NOC3L: variants seen among roughly 807,000 people sequenced by gnomAD.
NOC3L encodes nucleolar complex protein 3 homolog.
A neutral mutation model predicts 102.5 loss-of-function variants in NOC3L; 85 were observed. The observed-to-expected ratio is 0.83, with a 90% CI of 0.70 to 0.99. NOC3L has a LOEUF of 0.99. NOC3L is among the 50% of genes least tolerant of loss of function. NOC3L has a pLI of 0.00. For missense variants in NOC3L, 878 were observed against 914.9 expected (o/e 0.96, Z 0.52); for synonymous variants, 303 against 309.4 (o/e 0.98, Z 0.22).
downstream of NOC3L, chr10:94,329,636 A>G (rs7074125): frequency 0.31 from 46,779 of 152,008 alleles, 7,514 homozygotes; most frequent in Middle Eastern, 0.47. Context: ...AAATTAGCTG[A>G]GCGTGGTGGC....
Position 94,350,164 on chromosome 10 carries a change from G to A in NOC3L, c.1077C>T (p.His359=). ...LLVALPHFNF[H]NNIIVLIVPL... ...GGACAATCAATACGATGATGTTGTTGTGAAAGTTAAAATGAGGTAGTGCCA... is the reference window on the plus strand; with the variant it reads ...GGACAATCAATACGATGATGTTGTTATGAAAGTTAAAATGAGGTAGTGCCA... The change falls in exon 9 of 21, where the codon CAC becomes CAT. Residue 359 remains histidine, a synonymous_variant. Coordinates refer to ENST00000371361, the MANE Select transcript of NOC3L (RefSeq NM_022451.11). The A allele has an allele frequency of 1.9e-6, 3 of 1,614,136 alleles. No homozygotes were observed. Among genetic ancestry groups the A allele is most frequent in the Non-Finnish European group, 2.5e-6 (3 of 1,180,004 alleles).
chr10:94,324,180 C>T, the NOC3L span, among the ~76,000 whole-genome samples: 53 of 152,206 alleles, frequency 3.5e-4, no homozygotes, highest in Admixed American at 2.0e-4. Context: ...TGGGAAATTA[C>T]ATTACAAGCT....
In NOC3L at chr10:94,340,976, C is replaced by G. The variant is rs1454243615; in HGVS notation, c.1645-480G>C. Among the ~76,000 whole-genome samples, 141 of 133,314 alleles carry G rather than the reference C, an allele frequency of 1.1e-3. 1 individual carries two copies. Among genetic ancestry groups the G allele is most frequent in the South Asian group, 2.4e-3 (10 of 4,110 alleles). 87.5% of individuals were successfully genotyped at this position (133,314 alleles called of 152,430 possible). ...AGCCTGGGTGACAGAGCAAGACTCCCTCTCAAAAAAAAAAAAAAAAAAAAT... is the reference window on the plus strand; with the variant it reads ...AGCCTGGGTGACAGAGCAAGACTCCGTCTCAAAAAAAAAAAAAAAAAAAAT... On this transcript the variant is annotated intron_variant, in intron 14 of 20. Transcript: ENST00000371361.
chr10:94,324,200 C>T, the NOC3L span: 1 of 747,014 alleles, frequency 1.3e-6, no homozygotes, highest in Non-Finnish European at 2.4e-6. Flanking sequence ...TACAACTATA[C>T]AACTGCAAAA....
intron 8 of NOC3L, among the ~76,000 whole-genome samples, chr10:94,351,505 C>T (rs1437239278): frequency 1.3e-5 from 2 of 152,030 alleles, no homozygotes; most frequent in East Asian, 3.8e-4. Context: ...ATGCAAATAT[C>T]CATTTCTAGT....
In NOC3L at chr10:94,339,772, A is replaced by C. The variant is rs749714813; in HGVS notation, c.1929T>G (p.Ile643Met). 4 of 1,614,094 alleles carry C rather than the reference A, an allele frequency of 2.5e-6. No homozygotes were observed. Among genetic ancestry groups the C allele is most frequent in the Non-Finnish European group, 3.4e-6 (4 of 1,179,978 alleles). ...ATATTCTGGTAGTTGCTAAAATGCC[A>C]ATACTTGAATTTGGAAGAACATGAA... Reference protein sequence around the residue: ...LALHVLPNSSIGILATTRILM... With the variant: ...LALHVLPNSSMGILATTRILM... Residue 643 changes from isoleucine (I) to methionine (M), a missense_variant, in exon 17 of 21, where the codon ATT becomes ATG. Transcript: ENST00000371361.
At chr10:94,338,209 C>T (rs893207043) in intron 18 of NOC3L, among the ~76,000 whole-genome samples, 12 of 152,212 alleles carry the variant, frequency 7.9e-5, no homozygotes, top group Non-Finnish European at 1.3e-4. Flanking sequence ...CACTCTAATG[C>T]TGTCCATACT....
Position 94,349,125 on chromosome 10 carries a change from T to TA in NOC3L, c.1257+124dup. On this transcript the variant is annotated intron_variant, in intron 10 of 20. Coordinates refer to ENST00000371361, the MANE Select transcript of NOC3L (RefSeq NM_022451.11). Reference sequence around the variant, plus strand: ...TCAAACATTTCAGGAGTTGACATGTTAAACACTTAAGGAGCTTGAATACTT... The same window carrying TA: ...TCAAACATTTCAGGAGTTGACATGTTAAAACACTTAAGGAGCTTGAATACTT... The TA allele has an allele frequency of 3.9e-6, 4 of 1,028,404 alleles. No individual in the cohort carries two copies. The South Asian group carries it at 5.4e-5, about 14-fold the overall frequency. The allele number at this position is 1,028,404 out of a possible 1,614,324, so 63.7% of individuals were successfully genotyped here. A position where few individuals can be genotyped will look rare whatever the true frequency, so the allele number is the denominator to read the frequency against.
chr10:94,327,753 G>A, the NOC3L span, among the ~76,000 whole-genome samples: 1 of 152,050 alleles, frequency 6.6e-6, no homozygotes, highest in African/African-American at 2.4e-5. Flanking sequence ...ACTTTCTAAA[G>A]AATGTGAAAT....
chr10:94,331,536 A>G (rs2054155814), downstream of NOC3L: 1 of 152,186 alleles, frequency 6.6e-6, no homozygotes, highest in African/African-American at 2.4e-5. Context: ...GGTGTCTTTG[A>G]TCTTACATTG....
chr10:94,340,251 A>C (rs1328468700), intron 16 of NOC3L, 25 bp downstream of exon 16: 1 of 1,565,420 alleles, frequency 6.4e-7, no homozygotes, highest in African/African-American at 1.4e-5. Context: ...TACATATAAA[A>C]GAAACATTAT....
At chr10:94,315,570 A>C in the NOC3L span, 1 of 451,210 alleles carries the variant, frequency 2.2e-6, no homozygotes, top group South Asian at 1.6e-5. Flanking sequence ...GGAATTTGAG[A>C]CCAGCCTGGC....
intron 8 of NOC3L, among the ~76,000 whole-genome samples, chr10:94,351,365 T>C (rs1277934179): frequency 1.3e-5 from 2 of 151,688 alleles, no homozygotes; most frequent in African/African-American, 4.8e-5. Context: ...TTAGGCCAAA[T>C]GAAAACACCT....
rs776258542 is a variant in NOC3L at position 94,334,665 on chromosome 10, G to A, written c.2243C>T (p.Pro748Leu). The change falls in exon 20 of 21, where the codon CCT (proline) becomes CTT (leucine). Residue 748 changes from proline to leucine, a missense_variant. Pro to Leu is a moderately conservative substitution (Grantham distance 98). Coordinates refer to ENST00000371361, the MANE Select transcript of NOC3L (RefSeq NM_022451.11). ...TTTGGGGTTTGAAGATTCAACAGGA[G>A]GATTGAATGTCATTTCTGCCATGCT... Reference protein sequence around the residue: ...AYSMAEMTFNPPVESSNPKIK... With the variant: ...AYSMAEMTFNLPVESSNPKIK... 31 of 1,612,744 alleles carry A rather than the reference G, an allele frequency of 1.9e-5. No homozygotes were observed. The highest frequency in any genetic ancestry group is 2.6e-5 in the Non-Finnish European group (31 of 1,179,498).
At chr10:94,337,109 T>C (rs11187883) in intron 19 of NOC3L, among the ~76,000 whole-genome samples, 13,521 of 152,014 alleles carry the variant, frequency 0.089, 674 homozygotes, top group East Asian at 0.2. Flanking sequence ...TTCACCTTTC[T>C]GTACTTGTGA....
chr10:94,339,777 T>G lies in NOC3L; in HGVS notation c.1924A>C (p.Ser642Arg), dbSNP rs1172763958. 6.2e-7 allele frequency: 1 copy of G among 1,614,084 alleles called. No individual in the cohort carries two copies. The highest frequency in any genetic ancestry group is 2.2e-5 in the East Asian group (1 of 44,886). ...CTGGTAGTTGCTAAAATGCCAATAC[T>G]TGAATTTGGAAGAACATGAAGAGCA... The part of the protein sequence containing the change: ...TLALHVLPNS[S>R]IGILATTRIL... The change falls in exon 17 of 21, where the codon AGT becomes CGT. Residue 642 changes from serine (S) to arginine (R), a missense_variant. Coordinates refer to ENST00000371361, the MANE Select transcript of NOC3L (RefSeq NM_022451.11).
Position 94,346,299 on chromosome 10 carries a change from T to C in NOC3L, c.1389+126A>G. The C allele has an allele frequency of 4.9e-6, 3 of 606,822 alleles. No homozygotes were observed. In the South Asian group the frequency reaches 8.1e-5, roughly 16 times the overall value. 37.6% of individuals were successfully genotyped at this position (606,822 alleles called of 1,614,324 possible). On this transcript the variant is annotated intron_variant, in intron 11 of 20. Transcript: ENST00000371361. ...AGTAACAGGAAAAGATAAAATTCTC[T>C]AAATGATGTATTTCAAAACTTTTAT...
chr10:94,350,695 C>T (rs1237020840), intron 8 of NOC3L, among the ~76,000 whole-genome samples: 3 of 138,422 alleles, frequency 2.2e-5, no homozygotes, highest in African/African-American at 5.6e-5. Flanking sequence ...TCCAGCCTGG[C>T]GACAGAGCAA....
intron 3 of NOC3L, chr10:94,357,721 A>C (rs2054504941): frequency 4.0e-6 from 1 of 250,318 alleles, no homozygotes; most frequent in African/African-American, 2.3e-5. Context: ...TTGTGACTGC[A>C]GGGAACCATC....
Sources: allele counts gnomAD v4.1 joint callset (sites outside exome capture counted in the v4.1 genomes callset), GRCh38; gene constraint gnomAD v4.1.1; transcripts MANE v1.5; gene names NCBI Gene and HGNC (gene_info 2026-07-23, HGNC 2026-07-21).